Variants in ALOX5 observed in about 807,000 individuals in gnomAD.
ALOX5 encodes the protein polyunsaturated fatty acid 5-lipoxygenase.
In ALOX5, 64 loss-of-function variants were observed where a neutral mutation model predicts 87.9. That is an observed-to-expected ratio of 0.73 (90% confidence interval 0.60 to 0.90). The LOEUF (loss-of-function observed/expected upper bound fraction) is 0.90. ALOX5 is among the 40% of genes least tolerant of loss of function. The probability of loss-of-function intolerance (pLI) is 0.00; values close to 1 mark genes in which losing one functional copy is unlikely to be tolerated. For missense variants in ALOX5, 822 were observed against 907.5 expected, an observed-to-expected ratio of 0.91 and a Z score of 1.21; for synonymous variants, 388 against 355.1, an observed-to-expected ratio of 1.09 and a Z score of -1.04.
At chr10:45,437,298 A>T (rs533138873) in intron 7 of ALOX5, among the ~76,000 whole-genome samples, 4 of 152,356 alleles carry the variant, frequency 2.6e-5, no homozygotes, top group African/African-American at 9.6e-5. Flanking sequence ...GGTTGCAGTG[A>T]GCTGCGATCA....
chr10:45,374,256 C>T lies in ALOX5; in HGVS notation c.-24C>T. On this transcript the variant is annotated 5_prime_UTR_variant, in exon 1 of 14. Coordinates refer to ENST00000374391, the MANE Select transcript of ALOX5 (RefSeq NM_000698.5). ...GACCGCCGCGCCGAGGCTCCCGGCGCTCGCTGCTCCCGCGGCCCGCGCCAT... is the reference window on the plus strand; with the variant it reads ...GACCGCCGCGCCGAGGCTCCCGGCGTTCGCTGCTCCCGCGGCCCGCGCCAT... 6.9e-7 allele frequency: 1 copy of T among 1,456,818 alleles called. No homozygotes were observed. The highest frequency in any genetic ancestry group is 9.1e-7 in the Non-Finnish European group (1 of 1,103,684). 90.2% of individuals were successfully genotyped at this position (1,456,818 alleles called of 1,614,324 possible).
Position 45,443,470 on chromosome 10 carries a change from G to A in ALOX5, c.1506G>A (p.Glu502=), listed in dbSNP as rs1274709016. ...IYYEGDQVVE[E]DPELQDFVND... ...ACGAGGGCGACCAGGTGGTGGAGGA[G>A]GACCCGGAGCTGCAGGACTTCGTGA... Residue 502 remains glutamate, a synonymous_variant, in exon 11 of 14, where the codon GAG becomes GAA. Coordinates refer to ENST00000374391, the MANE Select transcript of ALOX5 (RefSeq NM_000698.5). 1 of 1,612,928 alleles carries A rather than the reference G, an allele frequency of 6.2e-7. No individual in the cohort carries two copies. The highest frequency in any genetic ancestry group is 1.3e-5 in the African/African-American group (1 of 75,016).
chr10:45,388,083 A>T (rs781184672), intron 2 of ALOX5, among the ~76,000 whole-genome samples: 26 of 152,106 alleles, frequency 1.7e-4, no homozygotes, highest in Non-Finnish European at 3.1e-4. Context: ...GGTCACTCCC[A>T]CCCTAATACT....
intron 3 of ALOX5, among the ~76,000 whole-genome samples, chr10:45,400,496 G>A (rs1468436201): frequency 1.3e-5 from 2 of 152,152 alleles, no homozygotes; most frequent in Non-Finnish European, 2.9e-5. Flanking sequence ...CTGCTTGGGA[G>A]GCTAAGGCAG....
chr10:45,395,490 A>T (rs376668122), intron 2 of ALOX5, among the ~76,000 whole-genome samples: 354 of 152,298 alleles, frequency 2.3e-3, no homozygotes, highest in African/African-American at 7.5e-3. Context: ...TAGCATTAGG[A>T]GATATAACTA....
chr10:45,428,490 C>A, intron 6 of ALOX5, 128 bp from the exon 7 acceptor site: 2 of 1,192,758 alleles, frequency 1.7e-6, no homozygotes, highest in Non-Finnish European at 1.2e-6. Context: ...GAGAGAAGTA[C>A]ACATTCTGAG....
chr10:45,412,710 C>T (rs1168810835), intron 4 of ALOX5, among the ~76,000 whole-genome samples: 1 of 152,198 alleles, frequency 6.6e-6, no homozygotes, highest in East Asian at 1.9e-4. Flanking sequence ...GATCCCAGGA[C>T]ATATGTCCCC....
chr10:45,441,323 C>G, intron 8 of ALOX5, 21 bp from the exon 9 acceptor site: 2 of 1,610,766 alleles, frequency 1.2e-6, no homozygotes, highest in Non-Finnish European at 1.7e-6. Context: ...CCTCTGAGGC[C>G]TCCTCCTCTC....
At chr10:45,443,986 C>A in intron 12 of ALOX5, 130 bp from the exon 13 acceptor site, 1 of 1,431,548 alleles carries the variant, frequency 7.0e-7, no homozygotes, top group South Asian at 1.3e-5. Flanking sequence ...GGGCGCTGGC[C>A]GCGGGGAAAG....
At position 45,445,844 on chromosome 10, in the gene ALOX5, A is replaced by G. The variant is rs1842429864; in HGVS notation, c.*157A>G. On this transcript the variant is annotated 3_prime_UTR_variant, in exon 14 of 14. Coordinates refer to ENST00000374391, the MANE Select transcript of ALOX5 (RefSeq NM_000698.5). ...TTCTTTGATCTTCAGGGAACTGCAT[A>G]GATTGATCAAAGTGTAAACACCATA... 3 of 819,498 alleles carry G rather than the reference A, an allele frequency of 3.7e-6. No homozygotes were observed. Among genetic ancestry groups the G allele is most frequent in the Non-Finnish European group, 3.8e-6 (2 of 532,034 alleles). 50.8% of individuals were successfully genotyped at this position (819,498 alleles called of 1,614,324 possible).
intron 13 of ALOX5, 58 bp downstream of exon 13, chr10:45,444,344 A>G: frequency 1.3e-6 from 2 of 1,496,652 alleles, no homozygotes; most frequent in Non-Finnish European, 1.8e-6. Context: ...GCGGTTCCTC[A>G]GCCTCAGGGC....
At chr10:45,420,629 T>A (rs1841467653) in intron 4 of ALOX5, among the ~76,000 whole-genome samples, 1 of 152,248 alleles carries the variant, frequency 6.6e-6, no homozygotes, top group South Asian at 2.1e-4. Flanking sequence ...GTTAAACCTC[T>A]GGCTGGCGAC....
rs180721107 is a variant in ALOX5 at position 45,415,502 on chromosome 10, A to C, written c.554+3189A>C. ...CTAATTAGGAGTTAATGGGTGCAGCACACCAACATGGCACATGTATACATA... is the reference window on the plus strand; with the variant it reads ...CTAATTAGGAGTTAATGGGTGCAGCCCACCAACATGGCACATGTATACATA... On this transcript the variant is annotated intron_variant, in intron 4 of 13. Coordinates refer to ENST00000374391, the MANE Select transcript of ALOX5 (RefSeq NM_000698.5). 2.6e-5 allele frequency among the ~76,000 whole-genome samples: 4 copies of C among 152,282 alleles called. No homozygotes were observed. The East Asian group carries it at 7.7e-4, about 29-fold the overall frequency.
intron 3 of ALOX5, among the ~76,000 whole-genome samples, chr10:45,407,286 T>C (rs1452830438): frequency 3.3e-5 from 5 of 152,198 alleles, no homozygotes; most frequent in Non-Finnish European, 7.4e-5. Context: ...ACTTTCTTCC[T>C]CTCTCGTTCA....
Position 45,428,614 on chromosome 10 carries a change from G to A in ALOX5, c.835-4G>A. 6.2e-7 allele frequency: 1 copy of A among 1,614,056 alleles called. No individual in the cohort carries two copies. Among genetic ancestry groups the A allele is most frequent in the South Asian group, 1.1e-5 (1 of 91,076 alleles). On this transcript the variant is annotated splice_polypyrimidine_tract_variant and splice_region_variant and intron_variant, in intron 6 of 13. Coordinates refer to ENST00000374391, the MANE Select transcript of ALOX5 (RefSeq NM_000698.5). ...ATTTGGACACATCTCTCTGCCTCCT[G>A]CAGCAAGGGAACATTTTCATCGTGG...
intron 2 of ALOX5, among the ~76,000 whole-genome samples, chr10:45,391,505 C>T (rs1446066378): frequency 1.3e-5 from 2 of 152,256 alleles, no homozygotes; most frequent in South Asian, 2.1e-4. Flanking sequence ...AGCCTCTGCC[C>T]GGCCGCCACC....
chr10:45,422,299 G>A lies in ALOX5; in HGVS notation c.555-1742G>A, dbSNP rs547857457. Reference sequence around the variant, plus strand: ...TCCCCAGCCTCCATCCTCTCATTCTGCTGGATCAGGAGGATGTGGGGAGGT... The same window carrying A: ...TCCCCAGCCTCCATCCTCTCATTCTACTGGATCAGGAGGATGTGGGGAGGT... On this transcript the variant is annotated intron_variant, in intron 4 of 13. Transcript: ENST00000374391. 3.3e-4 allele frequency among the ~76,000 whole-genome samples: 51 copies of A among 152,288 alleles called. No homozygotes were observed. The South Asian group carries it at 5.4e-3, about 16-fold the overall frequency.
chr10:45,440,532 G>A lies in ALOX5; in HGVS notation c.1084G>A (p.Val362Ile), dbSNP rs200185014. ...KIWVRSSDFH[V>I]HQTITHLLRT... Reference sequence around the variant, plus strand: ...CTGGGTGCGTTCCAGTGACTTCCACGTCCACCAGACCATCACCCACCTTCT... The same window carrying A: ...CTGGGTGCGTTCCAGTGACTTCCACATCCACCAGACCATCACCCACCTTCT... Residue 362 changes from valine to isoleucine, a missense_variant, in exon 8 of 14, where the codon GTC becomes ATC. Coordinates refer to ENST00000374391, the MANE Select transcript of ALOX5 (RefSeq NM_000698.5). The A allele has an allele frequency of 4.5e-5, 73 of 1,614,010 alleles. No individual in the cohort carries two copies. In the East Asian group the frequency reaches 8.0e-4, roughly 18 times the overall value.
At chr10:45,434,722 A>T (rs770795494) in intron 7 of ALOX5, among the ~76,000 whole-genome samples, 2 of 152,254 alleles carry the variant, frequency 1.3e-5, no homozygotes, top group Non-Finnish European at 2.9e-5. Context: ...CAGTGTCACC[A>T]GGTAGGAACA....
Sources: allele counts gnomAD v4.1 joint callset (sites outside exome capture counted in the v4.1 genomes callset), GRCh38; gene constraint gnomAD v4.1.1; transcripts MANE v1.5; gene names NCBI Gene and HGNC (gene_info 2026-07-23, HGNC 2026-07-21).